Variants in RGL3 observed in about 807,000 individuals in gnomAD.
The protein encoded by RGL3 is ral guanine nucleotide dissociation stimulator like 3, also known as ral guanine nucleotide dissociation stimulator-like 3.
RGL3 carries 85 observed loss-of-function variants against 90.6 expected under a neutral mutation model. The ratio of observed to expected loss-of-function variants is 0.94; its 90% CI spans 0.79 to 1.12. RGL3 has a LOEUF of 1.12. Ranked by LOEUF, RGL3 falls within the 50% of genes most tolerant of loss-of-function variation. The pLI is 0.00. For synonymous variants in RGL3, 408 were observed against 385.5 expected (o/e 1.06, Z -0.68); for missense variants, 1,034 against 939.2 (o/e 1.10, Z -1.32).
Position 11,418,782 on chromosome 19 carries a change from TGC to T in RGL3, c.34_35del (p.Ala12ThrfsTer7), listed in dbSNP as rs1568344439. 8.4e-6 allele frequency: 13 copies of T among 1,544,690 alleles called. No homozygotes were observed. In the South Asian group the frequency reaches 1.5e-4, roughly 18 times the overall value. ...ERTAGKELAL[A>X]PLQDWGEETE... ...TCTCTTCACCCCAGTCCTGCAGCGG[TGC>T]CTGGACGCACAGGCGGACTCAGGGC... On this transcript the variant is annotated frameshift_variant and splice_region_variant, in exon 2 of 19. Coordinates refer to ENST00000380456, the MANE Select transcript of RGL3 (RefSeq NM_001035223.4). LOFTEE classifies it high-confidence loss of function.
chr19:11,416,571 G>A, intron 4 of RGL3, 43 bp downstream of exon 4: 1 of 1,590,894 alleles, frequency 6.3e-7, no homozygotes, highest in Non-Finnish European at 8.6e-7. Flanking sequence ...TTGACCTCTT[G>A]GATTTCCCTC....
rs1568338666 is a variant in RGL3, at chr19:11,406,426, A to AC, written c.988_989insG (p.Ile330SerfsTer24). Reference sequence around the variant, plus strand: ...TCCGCGCCCGCAACACACCTGGGCGATGCGGATCCACTTCTCCAGCCGCTG... The same window carrying AC: ...TCCGCGCCCGCAACACACCTGGGCGACTGCGGATCCACTTCTCCAGCCGCTG... On this transcript the variant is annotated frameshift_variant, in exon 7 of 19. Coordinates refer to ENST00000380456, the MANE Select transcript of RGL3 (RefSeq NM_001035223.4). LOFTEE classifies it high-confidence loss of function. 6.5e-7 allele frequency: 1 copy of AC among 1,536,780 alleles called. No homozygotes were observed. The highest frequency in any genetic ancestry group is 1.4e-5 in the African/African-American group (1 of 72,992).
intron 9 of RGL3, among the ~76,000 whole-genome samples, chr19:11,404,798 C>G (rs573011063): frequency 6.6e-6 from 1 of 152,158 alleles, no homozygotes; most frequent in Non-Finnish European, 1.5e-5. Context: ...TATAAATAAG[C>G]CAGACTTTTG....
At chr19:11,418,617 C>T (rs966604203) in intron 2 of RGL3, 54 bp downstream of exon 2, 82 of 1,392,372 alleles carry the variant, frequency 5.9e-5, no homozygotes, top group Non-Finnish European at 7.5e-5. Context: ...TCTCCAGCTC[C>T]GCCCTCAACT....
At chr19:11,404,672 G>A in intron 9 of RGL3, among the ~76,000 whole-genome samples, 1 of 152,200 alleles carries the variant, frequency 6.6e-6, no homozygotes, top group East Asian at 1.9e-4. Context: ...AGAAGGAGGT[G>A]AGTGAGCAAG....
In RGL3 at chr19:11,399,936, T is replaced by G; in HGVS notation, c.1665A>C (p.Ser555=). 2 of 1,534,874 alleles carry G rather than the reference T, an allele frequency of 1.3e-6. No homozygotes were observed. Among genetic ancestry groups the G allele is most frequent in the Admixed American group, 2.4e-5 (1 of 42,186 alleles). ...CTCTGCTTCTAGGACTTGAGGGGGG[T>G]GACCCTGGGGACACACTGGGGGAGA... ...SSPTSSVSPG[S]PPSSPRSRDA... The change falls in exon 16 of 19, where the codon TCA becomes TCC. Residue 555 remains serine (S), a synonymous_variant. Coordinates refer to ENST00000380456, the MANE Select transcript of RGL3 (RefSeq NM_001035223.4).
In RGL3 at chr19:11,416,938, G is replaced by C; in HGVS notation, c.269C>G (p.Pro90Arg). Residue 90 changes from proline to arginine, a missense_variant, in exon 3 of 19, where the codon CCC becomes CGC. Pro to Arg is a moderately radical substitution (Grantham distance 103, BLOSUM62 -2). Transcript: ENST00000380456. ...ELVFGDREQD[P>R]SFMPAFLATY... ...GGCCAGGAAGGCGGGCATGAAGCTG[G>C]GGTCCTGCTCACGGTCTCCAAACAC... The C allele has an allele frequency of 6.2e-7, 1 of 1,614,078 alleles. No homozygotes were observed. The highest frequency in any genetic ancestry group is 1.1e-5 in the South Asian group (1 of 91,068).
intron 2 of RGL3, among the ~76,000 whole-genome samples, chr19:11,417,532 GTGATCTTGGC>G (rs2144745091): frequency 7.0e-6 from 1 of 142,146 alleles, no homozygotes; most frequent in South Asian, 2.2e-4. Flanking sequence ...GTTCAGTGGC[GTGATCTTGGC>G]TCACTGCAAC....
chr19:11,415,792 C>T (rs1485354522), intron 5 of RGL3, 145 bp downstream of exon 5: 1 of 779,916 alleles, frequency 1.3e-6, no homozygotes, highest in Non-Finnish European at 2.1e-6. Flanking sequence ...ATTATTATCC[C>T]CATTGTAAAG....
At position 11,406,841 on chromosome 19, in the gene RGL3, A is replaced by T. The variant is rs1223628907; in HGVS notation, c.661T>A (p.Ser221Thr). The part of the protein sequence containing the change: ...WTGPPRVAQT[S>T]DPDSSEACAE... ...CAGGCCTCTGAAGAGTCTGGGTCAG[A>T]AGTTTGGGCAACTCTGGGAGGTCCT... Residue 221 changes from serine (S) to threonine (T), a missense_variant, in exon 6 of 19, where the codon TCT becomes ACT. Transcript: ENST00000380456. 6.3e-7 allele frequency: 1 copy of T among 1,598,516 alleles called. No individual in the cohort carries two copies. The highest frequency in any genetic ancestry group is 8.6e-7 in the Non-Finnish European group (1 of 1,167,068).
chr19:11,409,462 C>T (rs980225006), intron 5 of RGL3, among the ~76,000 whole-genome samples: 10 of 151,996 alleles, frequency 6.6e-5, no homozygotes, highest in Non-Finnish European at 1.3e-4. Flanking sequence ...GCCTGGGCGA[C>T]AGAGCGAGAC....
At chr19:11,401,485 TC>T (rs1461148381) in intron 13 of RGL3, among the ~76,000 whole-genome samples, 3 of 150,240 alleles carry the variant, frequency 2.0e-5, no homozygotes, top group African/African-American at 7.4e-5. Context: ...AAGCTCTGCC[TC>T]CCGGGTTCAC....
chr19:11,404,265 C>T (rs1432521340), intron 9 of RGL3, among the ~76,000 whole-genome samples: 2 of 152,202 alleles, frequency 1.3e-5, no homozygotes, highest in African/African-American at 4.8e-5. Context: ...TGATGGCTCA[C>T]GCCTGTAATC....
chr19:11,399,953 TG>T lies in RGL3; in HGVS notation c.1650-3del. On this transcript the variant is annotated splice_region_variant and splice_polypyrimidine_tract_variant and intron_variant, in intron 15 of 18. Coordinates refer to ENST00000380456, the MANE Select transcript of RGL3 (RefSeq NM_001035223.4). Reference sequence around the variant, plus strand: ...GAGGGGGGTGACCCTGGGGACACACTGGGGGAGATGCAGAGGCTGAGGTGGG... The same window carrying T: ...GAGGGGGGTGACCCTGGGGACACACTGGGGAGATGCAGAGGCTGAGGTGGG... 3 of 1,566,316 alleles carry T rather than the reference TG, an allele frequency of 1.9e-6. No homozygotes were observed. Among genetic ancestry groups the T allele is most frequent in the Non-Finnish European group, 2.6e-6 (3 of 1,160,878 alleles).
intron 5 of RGL3, among the ~76,000 whole-genome samples, chr19:11,407,304 G>C (rs1427580041): frequency 6.6e-6 from 1 of 152,008 alleles, no homozygotes; most frequent in East Asian, 1.9e-4. Context: ...TTTTAAGGAT[G>C]TAACAGCAAC....
chr19:11,414,144 TATA>T (rs1968919593), intron 5 of RGL3, among the ~76,000 whole-genome samples: 1 of 77,326 alleles, frequency 1.3e-5, no homozygotes, highest in South Asian at 5.1e-4. Flanking sequence ...CATATATATA[TATA>T]TATATATATA....
chr19:11,416,716 C>G lies in RGL3; in HGVS notation c.372-49G>C, dbSNP rs777019592. 8 of 1,603,226 alleles carry G rather than the reference C, an allele frequency of 5.0e-6. No individual in the cohort carries two copies. In the Admixed American group the frequency reaches 1.3e-4, roughly 27 times the overall value. On this transcript the variant is annotated intron_variant, in intron 3 of 18. Coordinates refer to ENST00000380456, the MANE Select transcript of RGL3 (RefSeq NM_001035223.4). ...TGAAGAAGGGGGAACCTAGAGGGGGCTTAGGAAGAGGGCTCTGGGTCTGGG... is the reference window on the plus strand; with the variant it reads ...TGAAGAAGGGGGAACCTAGAGGGGGGTTAGGAAGAGGGCTCTGGGTCTGGG...
chr19:11,402,292 TC>T (rs3833251), intron 11 of RGL3, 45 bp from the exon 12 acceptor site: 98,415 of 1,612,076 alleles, frequency 0.061, 3,482 homozygotes, highest in East Asian at 0.17. Context: ...GGGTCAAGGG[TC>T]AAGGGTCAAG....
At position 11,402,130 on chromosome 19, in the gene RGL3, C is replaced by T. The variant is rs375014918; in HGVS notation, c.1365G>A (p.Glu455=). The T allele has an allele frequency of 6.2e-7, 1 of 1,609,722 alleles. No individual in the cohort carries two copies. Among genetic ancestry groups the T allele is most frequent in the Non-Finnish European group, 8.5e-7 (1 of 1,178,072 alleles). The part of the protein sequence containing the change: ...DLINFEKRRK[E]WEILARIQQL... ...GCTGGATGCGGGCCAGGATCTCCCA[C>T]TCCTGGAGGACGAGCCTCTAAGACC... The change falls in exon 13 of 19, where the codon GAG becomes GAA. Residue 455 remains glutamate (E), a splice_region_variant and synonymous_variant. Coordinates refer to ENST00000380456, the MANE Select transcript of RGL3 (RefSeq NM_001035223.4).
Sources: allele counts gnomAD v4.1 joint callset (sites outside exome capture counted in the v4.1 genomes callset), GRCh38; gene constraint gnomAD v4.1.1; transcripts MANE v1.5; gene names NCBI Gene and HGNC (gene_info 2026-07-23, HGNC 2026-07-21).